The following ATRNL1 variants were observed in gnomAD, a reference collection of about 807,000 sequenced individuals.
The protein encoded by ATRNL1 is attractin like 1.
A neutral mutation model predicts 182.7 loss-of-function variants in ATRNL1; 95 were observed. The observed-to-expected ratio is 0.52, with a 90% confidence interval of 0.44 to 0.62. ATRNL1 has a LOEUF of 0.62. Among genes scored for constraint, ATRNL1 ranks in the 20% least tolerant of loss-of-function variants. ATRNL1 has a pLI of 0.00. For missense variants in ATRNL1, 1,471 were observed against 1,679.5 expected (o/e 0.88, Z 2.17); for synonymous variants, 576 against 568.3 (o/e 1.01, Z -0.19).
intron 25 of ATRNL1, among the ~76,000 whole-genome samples, chr10:115,540,386 C>T (rs1045098894): frequency 1.3e-5 from 2 of 152,070 alleles, no homozygotes; most frequent in Non-Finnish European, 2.9e-5. Flanking sequence ...CAAATTATCT[C>T]TCTAGAGAAT....
At position 115,201,820 on chromosome 10, in the gene ATRNL1, G is replaced by A. The variant is rs553270333; in HGVS notation, c.1349-13877G>A. Among the ~76,000 whole-genome samples, 100 of 152,256 alleles carry A rather than the reference G, an allele frequency of 6.6e-4. 1 individual carries two copies. The highest frequency in any genetic ancestry group is 2.2e-3 in the African/African-American group (90 of 41,558). On this transcript the variant is annotated intron_variant, in intron 8 of 28. Transcript: ENST00000355044. Reference sequence around the variant, plus strand: ...GCATTGAACCTATAAATTACCTTGGGCAGTATGGCCATTTTCACGATATTG... The same window carrying A: ...GCATTGAACCTATAAATTACCTTGGACAGTATGGCCATTTTCACGATATTG...
At chr10:115,571,763 A>C (rs1409945464) in intron 26 of ATRNL1, among the ~76,000 whole-genome samples, 1 of 152,056 alleles carries the variant, frequency 6.6e-6, no homozygotes, top group Non-Finnish European at 1.5e-5. Flanking sequence ...CTTCTAATTC[A>C]TATTCATATA....
chr10:115,751,157 G>A (rs940246678), intron 27 of ATRNL1, among the ~76,000 whole-genome samples: 13 of 151,998 alleles, frequency 8.6e-5, no homozygotes, highest in Non-Finnish European at 1.8e-4. Flanking sequence ...GATGATGGAA[G>A]CAGAGGTTAG....
chr10:115,714,717 G>A (rs1027272601), intron 26 of ATRNL1, among the ~76,000 whole-genome samples: 13 of 151,772 alleles, frequency 8.6e-5, no homozygotes, highest in African/African-American at 3.2e-4. Context: ...AATGAAGCAT[G>A]TATTTCTTTT....
chr10:115,758,672 C>T (rs1555072706), intron 27 of ATRNL1, among the ~76,000 whole-genome samples: 1 of 152,242 alleles, frequency 6.6e-6, no homozygotes, highest in African/African-American at 2.4e-5. Flanking sequence ...GGGAGAACCG[C>T]TGCTCTCTTC....
At chr10:115,220,045 A>G (rs1463616939) in intron 9 of ATRNL1, among the ~76,000 whole-genome samples, 1 of 152,194 alleles carries the variant, frequency 6.6e-6, no homozygotes, top group Non-Finnish European at 1.5e-5. Flanking sequence ...TACCAAGGTG[A>G]CTTATTAATT....
chr10:115,876,903 T>G (rs903051369), intron 28 of ATRNL1, among the ~76,000 whole-genome samples: 36 of 152,358 alleles, frequency 2.4e-4, no homozygotes, highest in Middle Eastern at 3.4e-3. Context: ...GTTTAAAACA[T>G]TTCTAGCATT....
intron 27 of ATRNL1, among the ~76,000 whole-genome samples, chr10:115,739,870 T>C (rs1256445174): frequency 6.6e-6 from 1 of 152,220 alleles, no homozygotes; most frequent in Admixed American, 6.5e-5. Context: ...TTGCTTAATA[T>C]ATTTTTTGCT....
rs914285586 is a variant in ATRNL1 at position 115,328,008 on chromosome 10, G to C, written c.3038-6274G>C. Among the ~76,000 whole-genome samples, 870 of 152,062 alleles carry C rather than the reference G, an allele frequency of 5.7e-3. 3 individuals carry two copies. Among genetic ancestry groups the C allele is most frequent in the Non-Finnish European group, 6.3e-3 (428 of 67,992 alleles). ...GCTAGATGACGAGTTAGTGGGTGCA[G>C]CGCACCAGCATGGCACATGTATACA... On this transcript the variant is annotated intron_variant, in intron 18 of 28. Transcript: ENST00000355044.
At chr10:115,742,774 A>G (rs1276193569) in intron 27 of ATRNL1, among the ~76,000 whole-genome samples, 2 of 152,096 alleles carry the variant, frequency 1.3e-5, no homozygotes, top group African/African-American at 4.8e-5. Context: ...CCACATTGCT[A>G]CTAAAGTAAT....
intron 26 of ATRNL1, among the ~76,000 whole-genome samples, chr10:115,709,299 T>G (rs1355534947): frequency 6.6e-6 from 1 of 151,948 alleles, no homozygotes; most frequent in African/African-American, 2.4e-5. Flanking sequence ...TTTGTTGGCA[T>G]GTCACACATT....
chr10:115,855,743 G>A (rs751802297), intron 28 of ATRNL1, among the ~76,000 whole-genome samples: 13 of 152,120 alleles, frequency 8.5e-5, no homozygotes, highest in South Asian at 4.1e-4. Context: ...CTCAGGGACC[G>A]AAATCAAGCC....
intron 21 of ATRNL1, among the ~76,000 whole-genome samples, chr10:115,450,931 T>C (rs971418542): frequency 3.3e-5 from 5 of 152,114 alleles, no homozygotes; most frequent in African/African-American, 7.2e-5. Context: ...AACAGGCACA[T>C]AGACCAATGG....
chr10:115,421,548 C>T (rs1393365945), intron 20 of ATRNL1, among the ~76,000 whole-genome samples: 1 of 152,148 alleles, frequency 6.6e-6, no homozygotes, highest in East Asian at 1.9e-4. Flanking sequence ...CACACCTCAA[C>T]ATATGTGCAC....
intron 8 of ATRNL1, among the ~76,000 whole-genome samples, chr10:115,177,759 G>A (rs184855713): frequency 6.6e-6 from 1 of 151,764 alleles, no homozygotes; most frequent in Non-Finnish European, 1.5e-5. Context: ...ACAAAGTACT[G>A]TGTCATCCAG....
intron 28 of ATRNL1, among the ~76,000 whole-genome samples, chr10:115,857,814 T>A (rs1951222050): frequency 6.6e-6 from 1 of 152,196 alleles, no homozygotes; most frequent in South Asian, 2.1e-4. Flanking sequence ...CAAACTCACA[T>A]GACAAATCAG....
chr10:115,144,323 A>G (rs1389700029), intron 5 of ATRNL1, among the ~76,000 whole-genome samples: 3 of 151,580 alleles, frequency 2.0e-5, no homozygotes, highest in African/African-American at 7.3e-5. Context: ...AATTTTTTGT[A>G]TTTTTTAGTA....
intron 25 of ATRNL1, among the ~76,000 whole-genome samples, chr10:115,546,566 C>CA (rs111888938): frequency 0.011 from 1,369 of 126,182 alleles, 6 homozygotes; most frequent in African/African-American, 0.021. Flanking sequence ...GACTCTGTCT[C>CA]AAAAAAAAAA....
Position 115,346,766 on chromosome 10 carries a change from A to C in ATRNL1, c.3175+12347A>C, listed in dbSNP as rs576399265. 2.0e-5 allele frequency among the ~76,000 whole-genome samples: 3 copies of C among 152,184 alleles called. No homozygotes were observed. In the East Asian group the frequency reaches 5.8e-4, roughly 29 times the overall value. On this transcript the variant is annotated intron_variant, in intron 19 of 28. Coordinates refer to ENST00000355044, the MANE Select transcript of ATRNL1 (RefSeq NM_207303.4). ...CTGTTGAATTGAAAAAGTTCTATAT[A>C]TCTTCTAGATATGAGGCTCGCATGA...
Sources: allele counts gnomAD v4.1 joint callset (sites outside exome capture counted in the v4.1 genomes callset), GRCh38; gene constraint gnomAD v4.1.1; transcripts MANE v1.5; gene names NCBI Gene and HGNC (gene_info 2026-07-23, HGNC 2026-07-21).